Variants in TLE1 observed in about 807,000 individuals in gnomAD.
The protein encoded by TLE1 is transducin-like enhancer protein 1.
A neutral mutation model predicts 89.8 loss-of-function variants in TLE1; 21 were observed. The observed-to-expected ratio is 0.23, with a 90% CI of 0.17 to 0.34. The LOEUF (loss-of-function observed/expected upper bound fraction) is 0.34, where lower values mean the gene tolerates loss of function less well. Ranked by LOEUF, TLE1 falls within the 10% of genes least tolerant of loss-of-function variation. The pLI, the probability that TLE1 is intolerant of heterozygous loss-of-function variation, is 1.00. For missense variants in TLE1, 795 were observed against 1,031.2 expected (o/e 0.77, Z 3.14); for synonymous variants, 447 against 407.6 (o/e 1.10, Z -1.16).
At chr9:81,625,911 TAAAAAAAA>T (rs35467275) in intron 8 of TLE1, among the ~76,000 whole-genome samples, 3 of 87,846 alleles carry the variant, frequency 3.4e-5, no homozygotes, top group African/African-American at 1.1e-4. Context: ...CAGAAACTAC[TAAAAAAAA>T]AAAAAAAAAA....
intron 6 of TLE1, among the ~76,000 whole-genome samples, chr9:81,636,052 C>T (rs1827319966): frequency 6.6e-6 from 1 of 152,086 alleles, no homozygotes. Flanking sequence ...TATAAACTTT[C>T]ATTCTTTTCA....
In TLE1 at chr9:81,590,936, G is replaced by T; in HGVS notation, c.1698C>A (p.Ile566=). The T allele has an allele frequency of 1.2e-6, 2 of 1,614,254 alleles. No individual in the cohort carries two copies. Among genetic ancestry groups the T allele is most frequent in the Non-Finnish European group, 1.7e-6 (2 of 1,180,042 alleles). The change falls in exon 16 of 20, where the codon ATC becomes ATA. Residue 566 remains isoleucine (I), a synonymous_variant. Transcript: ENST00000376499. ...GGGCCGAGGACGTCAGCTCCGCCTT[G>T]ATGCGCGGGGTTGGAGCCGCCAGGT... ...IWDLAAPTPR[I]KAELTSSAPA... is the part of the protein sequence containing the mutation.
intron 4 of TLE1, among the ~76,000 whole-genome samples, chr9:81,679,901 T>C (rs1182492898): frequency 6.6e-6 from 1 of 152,178 alleles, no homozygotes; most frequent in Non-Finnish European, 1.5e-5. Flanking sequence ...CTCAGATCCA[T>C]GGAAACTTAA....
chr9:81,658,765 T>C (rs1248859726), intron 4 of TLE1, among the ~76,000 whole-genome samples: 1 of 152,142 alleles, frequency 6.6e-6, no homozygotes, highest in East Asian at 1.9e-4. Flanking sequence ...CTTCAAATAG[T>C]CTGGATTGCA....
intron 2 of TLE1, among the ~76,000 whole-genome samples, chr9:81,686,473 T>TTATCTAC (rs1834294543): frequency 6.6e-6 from 1 of 152,174 alleles, no homozygotes; most frequent in East Asian, 1.9e-4. Context: ...TGCAGAGATA[T>TTATCTAC]TATCTACAAG....
chr9:81,595,946 G>C (rs1306930372), intron 14 of TLE1, among the ~76,000 whole-genome samples: 1 of 152,118 alleles, frequency 6.6e-6, no homozygotes, highest in Admixed American at 6.5e-5. Flanking sequence ...ACACATGTGA[G>C]GATTAGTTTT....
rs1828021749 is a variant in TLE1 at position 81,584,268 on chromosome 9, G to A, written c.2243C>T (p.Ser748Phe). Residue 748 changes from serine (S) to phenylalanine (F), a missense_variant, in exon 20 of 20, where the codon TCT (serine) becomes TTT (phenylalanine). This residue lies in a region of TLE1 where 214 missense variants were observed against 354.9 expected (regional missense o/e 0.60). Transcript: ENST00000376499. ...ESSSVLSCDI[S>F]VDDKYIVTGS... Reference sequence around the variant, plus strand: ...AGTGACTATGTACTTATCATCCACAGAGATGTCACAGCTAAGCACTGACGA... The same window carrying A: ...AGTGACTATGTACTTATCATCCACAAAGATGTCACAGCTAAGCACTGACGA... The A allele has an allele frequency of 6.2e-7, 1 of 1,614,024 alleles. No homozygotes were observed. The highest frequency in any genetic ancestry group is 1.3e-5 in the African/African-American group (1 of 74,902).
In TLE1 at chr9:81,650,190, G is replaced by C. The variant is rs921349247; in HGVS notation, c.372+2024C>G. ...AGAAATTCATTTGCCCTTCTAAAAAGATCTGCTATTTTTATTCTCTGATTC... is the reference window on the plus strand; with the variant it reads ...AGAAATTCATTTGCCCTTCTAAAAACATCTGCTATTTTTATTCTCTGATTC... On this transcript the variant is annotated intron_variant, in intron 6 of 19. Coordinates refer to ENST00000376499, the MANE Select transcript of TLE1 (RefSeq NM_005077.5). 2.6e-5 allele frequency among the ~76,000 whole-genome samples: 4 copies of C among 152,276 alleles called. 1 individual carries two copies. Among genetic ancestry groups the C allele is most frequent in the Admixed American group, 2.6e-4 (4 of 15,292 alleles).
At chr9:81,685,284 T>TC (rs755669409) in intron 4 of TLE1, among the ~76,000 whole-genome samples, 1 of 151,976 alleles carries the variant, frequency 6.6e-6, no homozygotes, top group Non-Finnish European at 1.5e-5. Context: ...TACCCTTCTT[T>TC]CCCCCCAACA....
chr9:81,631,517 C>T (rs1826601617), intron 8 of TLE1, among the ~76,000 whole-genome samples: 1 of 152,160 alleles, frequency 6.6e-6, no homozygotes, highest in African/African-American at 2.4e-5. Flanking sequence ...GTGTCACTCA[C>T]TCCTCCTCGA....
intron 16 of TLE1, among the ~76,000 whole-genome samples, chr9:81,590,221 T>C (rs1180419170): frequency 2.6e-5 from 4 of 152,188 alleles, no homozygotes; most frequent in African/African-American, 7.2e-5. Context: ...GAGAGACACA[T>C]GGGTACCAGA....
At chr9:81,656,512 G>C (rs1324352319) in intron 4 of TLE1, among the ~76,000 whole-genome samples, 2 of 152,096 alleles carry the variant, frequency 1.3e-5, no homozygotes, top group Non-Finnish European at 2.9e-5. Context: ...ATAAAAGAAA[G>C]TTAAAATAAC....
At chr9:81,671,131 G>C (rs1452738492) in intron 4 of TLE1, among the ~76,000 whole-genome samples, 1 of 152,044 alleles carries the variant, frequency 6.6e-6, no homozygotes, top group Non-Finnish European at 1.5e-5. Flanking sequence ...TCACGCCACT[G>C]CACTGCAGCC....
In TLE1 at chr9:81,688,312, C is replaced by A. The variant is rs966570272; in HGVS notation, c.-72G>T. On this transcript the variant is annotated 5_prime_UTR_variant, in exon 1 of 20. Transcript: ENST00000376499. ...CGGTCAATTTCCAACTTTAATCCCG[C>A]CGAGGAAAATTAAGCCGGAAAGCCA... 7.6e-5 allele frequency: 109 copies of A among 1,442,000 alleles called. No homozygotes were observed. Among genetic ancestry groups the A allele is most frequent in the Non-Finnish European group, 9.1e-5 (100 of 1,094,124 alleles). 89.3% of individuals were successfully genotyped at this position (1,442,000 alleles called of 1,614,324 possible). A position where few individuals can be genotyped will look rare whatever the true frequency, so the allele number is the denominator to read the frequency against.
chr9:81,678,795 G>A (rs574179198), intron 4 of TLE1, among the ~76,000 whole-genome samples: 1 of 151,554 alleles, frequency 6.6e-6, no homozygotes, highest in African/African-American at 2.4e-5. Flanking sequence ...AGCCGAGATC[G>A]AGCCACTGCA....
chr9:81,660,488 A>G (rs1317848033), intron 4 of TLE1, among the ~76,000 whole-genome samples: 1 of 151,880 alleles, frequency 6.6e-6, no homozygotes, highest in Non-Finnish European at 1.5e-5. Flanking sequence ...ATCTCGGCTC[A>G]CTGCAAGCTA....
chr9:81,649,307 C>T (rs1399321340), intron 6 of TLE1, among the ~76,000 whole-genome samples: 1 of 152,130 alleles, frequency 6.6e-6, no homozygotes, highest in Admixed American at 6.6e-5. Flanking sequence ...TGTTAATTCA[C>T]TCAACAAGCA....
intron 7 of TLE1, 86 bp downstream of exon 7, chr9:81,634,011 G>A: frequency 7.2e-7 from 1 of 1,392,152 alleles, no homozygotes; most frequent in Non-Finnish European, 9.7e-7. Context: ...TGTATAGGTT[G>A]GGGCTCTCTT....
At chr9:81,637,869 A>C (rs1007364862) in intron 6 of TLE1, among the ~76,000 whole-genome samples, 1 of 152,034 alleles carries the variant, frequency 6.6e-6, no homozygotes. Flanking sequence ...GGTAGGTATC[A>C]TGATACCTAC....
Sources: gnomAD v4.1 joint callset for allele counts (sites outside exome capture counted in the v4.1 genomes callset) on GRCh38, gnomAD v4.1.1 for gene constraint, gnomAD v4.1.1 regional missense constraint, MANE v1.5 for transcripts, NCBI Gene and HGNC (gene_info 2026-07-23, HGNC 2026-07-21) for gene names.